The following SDK1 variants were observed in gnomAD, a reference collection of about 807,000 sequenced individuals.
The protein encoded by SDK1 is protein sidekick-1.
SDK1 carries 157 observed loss-of-function variants against 245.5 expected under a neutral mutation model. That is an observed-to-expected ratio of 0.64 (90% CI 0.56 to 0.73). The LOEUF is 0.73. Among genes scored for constraint, SDK1 ranks in the 30% least tolerant of loss-of-function variants. The pLI is 0.00. For missense variants in SDK1, 3,583 were observed against 3,002.3 expected, an observed-to-expected ratio of 1.19 and a Z score of -4.52; for synonymous variants, 1,647 against 1,278.5, an observed-to-expected ratio of 1.29 and a Z score of -6.15.
At chr7:4,140,983 A>T (rs1352837330) in intron 28 of SDK1, among the ~76,000 whole-genome samples, 1 of 152,196 alleles carries the variant, frequency 6.6e-6, no homozygotes, top group Non-Finnish European at 1.5e-5. Context: ...ATGAGAACTG[A>T]GAGTCAGGCA....
chr7:3,631,358 T>C (rs1782282567), intron 2 of SDK1, among the ~76,000 whole-genome samples: 2 of 152,226 alleles, frequency 1.3e-5, no homozygotes, highest in Admixed American at 6.5e-5. Flanking sequence ...CCCAACCTAA[T>C]TGTGTGTAAC....
chr7:3,427,810 C>T (rs868253998), intron 1 of SDK1, among the ~76,000 whole-genome samples: 1 of 150,914 alleles, frequency 6.6e-6, no homozygotes, highest in Non-Finnish European at 1.5e-5. Flanking sequence ...TCACCAAGCT[C>T]CTGTGGCTGC....
intron 1 of SDK1, among the ~76,000 whole-genome samples, chr7:3,474,859 A>G (rs1053636391): frequency 3.3e-5 from 5 of 152,034 alleles, no homozygotes; most frequent in Non-Finnish European, 7.4e-5. Flanking sequence ...TACCTGGCTA[A>G]TGTTTTAATT....
At chr7:4,081,138 C>T (rs1475046191) in intron 22 of SDK1, among the ~76,000 whole-genome samples, 5 of 152,328 alleles carry the variant, frequency 3.3e-5, no homozygotes, top group African/African-American at 4.8e-5. Context: ...TGTGGTGTTA[C>T]GCTAGGGCTA....
intron 44 of SDK1, among the ~76,000 whole-genome samples, chr7:4,249,689 T>G (rs963050167): frequency 9.2e-5 from 14 of 152,194 alleles, no homozygotes; most frequent in African/African-American, 3.4e-4. Context: ...CCCTTGTCTG[T>G]AGAGCTCTTT....
rs373402283 is a variant in SDK1 at position 3,906,399 on chromosome 7, T to TGTGTGAGA, written c.848-44523_848-44522insTGTGAGAG. On this transcript the variant is annotated intron_variant, in intron 5 of 44. Coordinates refer to ENST00000404826, the MANE Select transcript of SDK1 (RefSeq NM_152744.4). ...GTATGCGTATGTGTGTGTGTGTGTG[T>TGTGTGAGA]GAGAGAGAGAGAGAGACAGAGAGCG... 6.2e-3 allele frequency among the ~76,000 whole-genome samples: 928 copies of TGTGTGAGA among 150,014 alleles called. 9 individuals are homozygous for TGTGTGAGA. Among genetic ancestry groups the TGTGTGAGA allele is most frequent in the African/African-American group, 0.021 (866 of 40,852 alleles).
chr7:3,949,466 G>C (rs565239879), intron 5 of SDK1, among the ~76,000 whole-genome samples: 2 of 152,158 alleles, frequency 1.3e-5, no homozygotes, highest in African/African-American at 4.8e-5. Context: ...ACCGCCAGCC[G>C]GGCAGGCTAG....
intron 4 of SDK1, among the ~76,000 whole-genome samples, chr7:3,686,267 G>T (rs1322848149): frequency 6.6e-6 from 1 of 152,044 alleles, no homozygotes; most frequent in African/African-American, 2.4e-5. Flanking sequence ...GTAGAGACGG[G>T]GTTTCACCAT....
intron 1 of SDK1, among the ~76,000 whole-genome samples, chr7:3,309,048 G>A (rs912438681): frequency 3.3e-5 from 5 of 152,102 alleles, no homozygotes; most frequent in Non-Finnish European, 7.4e-5. Flanking sequence ...AGAGTAAGGA[G>A]GGATTTTGTA....
intron 9 of SDK1, among the ~76,000 whole-genome samples, chr7:3,965,130 C>G (rs567443849): frequency 2.8e-4 from 42 of 152,254 alleles, no homozygotes; most frequent in African/African-American, 9.9e-4. Flanking sequence ...CTGTAGTAAC[C>G]TAAGAGCAGC....
intron 1 of SDK1, among the ~76,000 whole-genome samples, chr7:3,440,869 C>T (rs4302734): frequency 0.75 from 114,653 of 152,102 alleles, 43,472 homozygotes; most frequent in African/African-American, 0.83. Flanking sequence ...GTGGAAGATA[C>T]GAACCAAAAA....
At chr7:3,476,753 A>G (rs1280917271) in intron 1 of SDK1, among the ~76,000 whole-genome samples, 1 of 152,256 alleles carries the variant, frequency 6.6e-6, no homozygotes, top group Admixed American at 6.5e-5. Flanking sequence ...TTTGGTTTGG[A>G]TGACCTCATC....
intron 1 of SDK1, among the ~76,000 whole-genome samples, chr7:3,362,210 G>A (rs1286564258): frequency 6.6e-6 from 1 of 152,124 alleles, no homozygotes; most frequent in Non-Finnish European, 1.5e-5. Context: ...TGAGGCATTT[G>A]GTGGCCGACT....
At chr7:3,722,541 G>A (rs1422994696) in intron 4 of SDK1, among the ~76,000 whole-genome samples, 5 of 152,142 alleles carry the variant, frequency 3.3e-5, no homozygotes, top group Non-Finnish European at 7.4e-5. Flanking sequence ...CTGTATCTAT[G>A]TCCCTGTGCT....
At chr7:3,625,936 TTCTTTC>T (rs1334444742) in intron 2 of SDK1, among the ~76,000 whole-genome samples, 7 of 113,534 alleles carry the variant, frequency 6.2e-5, no homozygotes, top group Middle Eastern at 8.9e-3. Flanking sequence ...TTTCTTTCTT[TTCTTTC>T]TTTTTTTTTT....
chr7:3,308,979 T>C (rs1232469249), intron 1 of SDK1, among the ~76,000 whole-genome samples: 1 of 152,112 alleles, frequency 6.6e-6, no homozygotes. Context: ...TTATTAAGAA[T>C]AGTTGGTAGC....
At chr7:4,213,386 TG>T (rs1784605027) in intron 38 of SDK1, among the ~76,000 whole-genome samples, 1 of 150,020 alleles carries the variant, frequency 6.7e-6, no homozygotes, top group Non-Finnish European at 1.5e-5. Flanking sequence ...CACTCCAGCT[TG>T]GGCGACAGAG....
intron 4 of SDK1, among the ~76,000 whole-genome samples, chr7:3,790,627 G>A (rs886825831): frequency 6.6e-6 from 1 of 152,146 alleles, no homozygotes; most frequent in Non-Finnish European, 1.5e-5. Flanking sequence ...GACCAACATG[G>A]TGAAACCCCA....
chr7:4,062,308 A>G (rs565002578), intron 19 of SDK1, among the ~76,000 whole-genome samples: 1 of 152,290 alleles, frequency 6.6e-6, no homozygotes, highest in African/African-American at 2.4e-5. Context: ...AATACAAAAT[A>G]TCATTTGAGA....
Sources: allele counts gnomAD v4.1 joint callset (sites outside exome capture counted in the v4.1 genomes callset), GRCh38; gene constraint gnomAD v4.1.1; transcripts MANE v1.5; gene names NCBI Gene and HGNC (gene_info 2026-07-23, HGNC 2026-07-21).